Variants in KLHL8 observed in about 807,000 individuals in gnomAD.
KLHL8 encodes the protein kelch-like protein 8.
A neutral mutation model predicts 63.5 loss-of-function variants in KLHL8; 38 were observed. The observed-to-expected ratio is 0.60, with a 90% confidence interval of 0.46 to 0.78. The LOEUF (loss-of-function observed/expected upper bound fraction) is 0.78. Among genes scored for constraint, KLHL8 ranks in the 30% least tolerant of loss-of-function variants. KLHL8 has a pLI of 0.00. For missense variants in KLHL8, 566 were observed against 752.4 expected, an observed-to-expected ratio of 0.75 and a Z score of 2.90; for synonymous variants, 224 against 254.3, an observed-to-expected ratio of 0.88 and a Z score of 1.13.
At chr4:87,232,822 C>T (rs1461269695) in intron 1 of KLHL8, among the ~76,000 whole-genome samples, 1 of 151,914 alleles carries the variant, frequency 6.6e-6, no homozygotes, top group Non-Finnish European at 1.5e-5. Flanking sequence ...ATATTTATTA[C>T]CAATTCAGAT....
At chr4:87,168,454 G>A (rs182582291) in intron 8 of KLHL8, among the ~76,000 whole-genome samples, 1 of 151,654 alleles carries the variant, frequency 6.6e-6, no homozygotes, top group East Asian at 1.9e-4. Flanking sequence ...GCGTTTTGTG[G>A]AATAAGCAGT....
In KLHL8 at chr4:87,217,340, T is replaced by G. The variant is rs549824821; in HGVS notation, c.-152+3078A>C. The stretch of plus-strand genomic sequence containing the variant: ...ATCCTCCCTCATCTCTTGCTTTTTT[T>G]GGGGGTGGGGGGAAATAGGGTCTCA... On this transcript the variant is annotated intron_variant, in intron 1 of 9. Coordinates refer to ENST00000273963, the MANE Select transcript of KLHL8 (RefSeq NM_020803.5). Among the ~76,000 whole-genome samples the G allele has an allele frequency of 1.2e-3, 180 of 151,988 alleles. 2 individuals carry two copies. Among genetic ancestry groups the G allele is most frequent in the Non-Finnish European group, 2.0e-3 (138 of 67,932 alleles).
At chr4:87,181,954 C>A (rs957443968) in intron 4 of KLHL8, among the ~76,000 whole-genome samples, 1 of 152,028 alleles carries the variant, frequency 6.6e-6, no homozygotes, top group Non-Finnish European at 1.5e-5. Context: ...TTGGGCCGGG[C>A]GCGATGACTC....
intron 1 of KLHL8, among the ~76,000 whole-genome samples, chr4:87,205,385 T>C (rs1168493779): frequency 6.7e-6 from 1 of 149,272 alleles, no homozygotes; most frequent in African/African-American, 2.5e-5. Flanking sequence ...CCACCCGGGG[T>C]GACAGAGTAA....
At chr4:87,216,875 A>G (rs932741991) in intron 1 of KLHL8, among the ~76,000 whole-genome samples, 1 of 152,236 alleles carries the variant, frequency 6.6e-6, no homozygotes, top group African/African-American at 2.4e-5. Context: ...AGCTTAGAGA[A>G]TGTTTTCACA....
intron 1 of KLHL8, among the ~76,000 whole-genome samples, chr4:87,231,660 A>G (rs928947001): frequency 1.3e-5 from 2 of 151,848 alleles, no homozygotes; most frequent in African/African-American, 4.8e-5. Flanking sequence ...GCAGTGACGC[A>G]ATCTCAGCTC....
chr4:87,222,052 C>T (rs182855266), upstream of KLHL8, among the ~76,000 whole-genome samples: 50 of 152,292 alleles, frequency 3.3e-4, no homozygotes, highest in African/African-American at 1.1e-3. Flanking sequence ...TCCTGCCTCT[C>T]AATTCTTTGT....
chr4:87,228,398 C>T (rs900459361), intron 1 of KLHL8, among the ~76,000 whole-genome samples: 10 of 152,184 alleles, frequency 6.6e-5, no homozygotes, highest in African/African-American at 2.4e-4. Flanking sequence ...TTCTCAGGGA[C>T]TATGCCCTTA....
Position 87,183,303 on chromosome 4 carries a change from A to G in KLHL8, c.852T>C (p.Asp284=). ...GGTAATTTCTTGCTTCATCCAGTAAATCTCTACATTTTAGATTTTGCTTGA... is the reference window on the plus strand; with the variant it reads ...GGTAATTTCTTGCTTCATCCAGTAAGTCTCTACATTTTAGATTTTGCTTGA... The part of the protein sequence containing the change: ...QIVKQNLKCR[D]LLDEARNYHL... Residue 284 remains aspartate (D), a synonymous_variant, in exon 4 of 10, where the codon GAT becomes GAC. Transcript: ENST00000273963. 6.2e-7 allele frequency: 1 copy of G among 1,613,630 alleles called. No homozygotes were observed.
At chr4:87,164,579 A>G (rs1730303345) in intron 8 of KLHL8, among the ~76,000 whole-genome samples, 1 of 152,224 alleles carries the variant, frequency 6.6e-6, no homozygotes, top group Non-Finnish European at 1.5e-5. Flanking sequence ...AATTACAGAA[A>G]TGGTGGACTA....
intron 6 of KLHL8, among the ~76,000 whole-genome samples, chr4:87,173,497 TC>T (rs1730710975): frequency 6.6e-6 from 1 of 152,146 alleles, no homozygotes; most frequent in South Asian, 2.1e-4. Context: ...TAAACAAACA[TC>T]GGTGTCCATT....
intron 4 of KLHL8, among the ~76,000 whole-genome samples, chr4:87,182,252 T>G (rs1245516816): frequency 8.7e-6 from 1 of 115,482 alleles, no homozygotes; most frequent in Admixed American, 8.4e-5. Context: ...AAAAAAAAAA[T>G]TACTTACTTA....
At chr4:87,217,426 C>A (rs1261719211) in intron 1 of KLHL8, among the ~76,000 whole-genome samples, 1 of 152,036 alleles carries the variant, frequency 6.6e-6, no homozygotes, top group African/African-American at 2.4e-5. Flanking sequence ...CTTGACCTCC[C>A]TGGACTCAGG....
chr4:87,164,932 A>T (rs1017027437), intron 8 of KLHL8, among the ~76,000 whole-genome samples: 1 of 152,024 alleles, frequency 6.6e-6, no homozygotes, highest in Admixed American at 6.5e-5. Flanking sequence ...GCCGATCACG[A>T]GGTCAGGAGA....
At chr4:87,227,561 G>A (rs6531963) in intron 1 of KLHL8, among the ~76,000 whole-genome samples, 4,365 of 152,176 alleles carry the variant, frequency 0.029, 203 homozygotes, top group African/African-American at 0.099. Flanking sequence ...GAGGTGGGAG[G>A]ATCCCTTGAG....
chr4:87,212,857 G>A (rs1217082380), intron 1 of KLHL8, among the ~76,000 whole-genome samples: 7 of 152,188 alleles, frequency 4.6e-5, no homozygotes, highest in Admixed American at 3.9e-4. Context: ...ACAGAGCCTA[G>A]GTGTGTAGTA....
At position 87,163,487 on chromosome 4, in the gene KLHL8, T is replaced by C. The variant is rs746484134; in HGVS notation, c.*32A>G. The C allele has an allele frequency of 6.2e-7, 1 of 1,612,550 alleles. No homozygotes were observed. The highest frequency in any genetic ancestry group is 8.5e-7 in the Non-Finnish European group (1 of 1,179,294). ...TTGGTTTTCTTTTGTACCTATCAGATATGACTAAATTGTTGGTGGCCAGAA... is the reference window on the plus strand; with the variant it reads ...TTGGTTTTCTTTTGTACCTATCAGACATGACTAAATTGTTGGTGGCCAGAA... On this transcript the variant is annotated 3_prime_UTR_variant, in exon 10 of 10. Coordinates refer to ENST00000273963, the MANE Select transcript of KLHL8 (RefSeq NM_020803.5).
intron 1 of KLHL8, among the ~76,000 whole-genome samples, chr4:87,216,084 T>A (rs567030960): frequency 6.6e-6 from 1 of 152,338 alleles, no homozygotes; most frequent in East Asian, 1.9e-4. Context: ...TTAAATAATA[T>A]TCTGACATGC....
At chr4:87,218,720 T>C (rs1237008143) in intron 1 of KLHL8, among the ~76,000 whole-genome samples, 1 of 152,156 alleles carries the variant, frequency 6.6e-6, no homozygotes, top group Non-Finnish European at 1.5e-5. Flanking sequence ...TGTAGTTGAA[T>C]AGAGTATCCT....
Sources: allele counts gnomAD v4.1 joint callset (sites outside exome capture counted in the v4.1 genomes callset), GRCh38; gene constraint gnomAD v4.1.1; transcripts MANE v1.5; gene names NCBI Gene and HGNC (gene_info 2026-07-23, HGNC 2026-07-21).